Variants in GRIA2 observed in about 807,000 individuals in gnomAD.
The protein encoded by GRIA2 is glutamate receptor 2.
GRIA2 carries 14 observed loss-of-function variants against 97.3 expected under a neutral mutation model. That is an observed-to-expected ratio of 0.14 (90% CI 0.10 to 0.23). GRIA2 has a LOEUF of 0.23. Among genes scored for constraint, GRIA2 ranks in the 10% least tolerant of loss-of-function variants. GRIA2 has a pLI of 1.00. For synonymous variants in GRIA2, 412 were observed against 387.8 expected (o/e 1.06, Z -0.73); for missense variants, 558 against 1,069.8 (o/e 0.52, Z 6.67).
At chr4:157,329,190 A>G (rs1734938595) in intron 6 of GRIA2, among the ~76,000 whole-genome samples, 1 of 151,960 alleles carries the variant, frequency 6.6e-6, no homozygotes, top group African/African-American at 2.4e-5. Flanking sequence ...TTATCTTAAA[A>G]AAAACTTTCT....
At chr4:157,305,095 G>A (rs1182330084) in intron 3 of GRIA2, among the ~76,000 whole-genome samples, 2 of 152,064 alleles carry the variant, frequency 1.3e-5, no homozygotes, top group Non-Finnish European at 2.9e-5. Flanking sequence ...GGATGTTTCC[G>A]ACGCACACTT....
chr4:157,347,788 T>A (rs190757986), intron 12 of GRIA2, among the ~76,000 whole-genome samples: 3 of 152,174 alleles, frequency 2.0e-5, no homozygotes. Flanking sequence ...CTCAACTAGA[T>A]ATAAGTATTA....
rs184715058 is a variant in GRIA2 at position 157,353,040 on chromosome 4, A to G, written c.2044-6856A>G. Among the ~76,000 whole-genome samples the G allele has an allele frequency of 2.0e-5, 3 of 152,222 alleles. No homozygotes were observed. In the East Asian group the frequency reaches 5.8e-4, roughly 30 times the overall value. On this transcript the variant is annotated intron_variant, in intron 12 of 15. Coordinates refer to ENST00000264426, the MANE Select transcript of GRIA2 (RefSeq NM_001083619.3). ...GCCACTGCACTTCAGCCTGGGCGAC[A>G]GAGCGAGACTTCATCTCAAAAAACA... is the stretch of plus-strand genomic sequence containing the variant.
rs557539804 is a variant in GRIA2, at chr4:157,301,721, TATAAG to T, written c.230-1827_230-1823del. ...TATTTTTGTGAAGTAAATACAATGATATAAGATAGGGTTTGTTTTATCCTTCAAAA... is the reference window on the plus strand; with the variant it reads ...TATTTTTGTGAAGTAAATACAATGATATAGGGTTTGTTTTATCCTTCAAAA... On this transcript the variant is annotated intron_variant, in intron 2 of 15. Transcript: ENST00000264426. 1.1e-3 allele frequency among the ~76,000 whole-genome samples: 168 copies of T among 152,302 alleles called. 1 individual carries two copies. Among genetic ancestry groups the T allele is most frequent in the African/African-American group, 3.8e-3 (157 of 41,570 alleles).
intron 8 of GRIA2, among the ~76,000 whole-genome samples, chr4:157,333,668 G>T (rs906114744): frequency 2.6e-5 from 4 of 151,986 alleles, no homozygotes; most frequent in African/African-American, 9.7e-5. Context: ...AGTAGCTGGT[G>T]CAAATACACA....
At chr4:157,313,953 A>G (rs1734200890) in intron 4 of GRIA2, among the ~76,000 whole-genome samples, 1 of 152,206 alleles carries the variant, frequency 6.6e-6, no homozygotes, top group South Asian at 2.1e-4. Flanking sequence ...TTAGAAAATC[A>G]TAAGGAAAAC....
intron 9 of GRIA2, chr4:157,335,114 A>C (rs1579372640): frequency 6.3e-6 from 1 of 157,908 alleles, no homozygotes; most frequent in Non-Finnish European, 1.4e-5. Context: ...TCATTCTAGG[A>C]TATTGTATCT....
chr4:157,234,372 AT>A (rs1730151995), intron 2 of GRIA2, among the ~76,000 whole-genome samples: 1 of 152,128 alleles, frequency 6.6e-6, no homozygotes, highest in Non-Finnish European at 1.5e-5. Flanking sequence ...CAAGCTGAAA[AT>A]AGAGGCTAGG....
chr4:157,363,649 A>G lies in GRIA2; in HGVS notation c.*218A>G. ...TACACAATGGTTTTCTTGTGTGTTT[A>G]TTGTCAAAGTGGTGAGAGGCATCCA... On this transcript the variant is annotated 3_prime_UTR_variant, in exon 16 of 16. Transcript: ENST00000264426. The G allele has an allele frequency of 9.0e-7, 1 of 1,105,884 alleles. No individual in the cohort carries two copies. Among genetic ancestry groups the G allele is most frequent in the East Asian group, 3.2e-5 (1 of 31,078 alleles). The allele number at this position is 1,105,884 out of a possible 1,614,324, so 68.5% of individuals were successfully genotyped here. A position where few individuals can be genotyped will look rare whatever the true frequency, so the allele number is the denominator to read the frequency against.
intron 2 of GRIA2, among the ~76,000 whole-genome samples, chr4:157,256,226 A>AATATATGATATT (rs1731253106): frequency 8.3e-6 from 1 of 119,872 alleles, no homozygotes; most frequent in African/African-American, 3.4e-5. Context: ...TATAATATAT[A>AATATATGATATT]ATATATAATA....
chr4:157,297,454 C>T (rs1388508025), intron 2 of GRIA2, among the ~76,000 whole-genome samples: 2 of 152,054 alleles, frequency 1.3e-5, no homozygotes, highest in Non-Finnish European at 2.9e-5. Flanking sequence ...CTCATAGGGC[C>T]AACACTCTTT....
At chr4:157,359,252 T>G (rs1736529529) in intron 12 of GRIA2, among the ~76,000 whole-genome samples, 1 of 152,286 alleles carries the variant, frequency 6.6e-6, no homozygotes, top group African/African-American at 2.4e-5. Flanking sequence ...AGAATGTTGG[T>G]TTTTTTCCAG....
At chr4:157,312,590 C>A (rs1734127596) in intron 3 of GRIA2, 89 bp from the exon 4 acceptor site, 1 of 705,148 alleles carries the variant, frequency 1.4e-6, no homozygotes, top group Non-Finnish European at 2.2e-6. Context: ...ATATATCTTC[C>A]TTAAAAATAT....
chr4:157,357,119 A>G (rs1736418143), intron 12 of GRIA2, among the ~76,000 whole-genome samples: 1 of 152,076 alleles, frequency 6.6e-6, no homozygotes, highest in African/African-American at 2.4e-5. Context: ...CATCATTTTT[A>G]TTATTTAGTC....
intron 12 of GRIA2, chr4:157,342,453 A>C (rs781563233): frequency 9.1e-6 from 9 of 984,388 alleles, no homozygotes; most frequent in Non-Finnish European, 1.1e-5. Flanking sequence ...TGAAGAGTCC[A>C]GGACCTTGAT....
At chr4:157,232,880 A>G (rs1257845830) in intron 2 of GRIA2, among the ~76,000 whole-genome samples, 1 of 152,208 alleles carries the variant, frequency 6.6e-6, no homozygotes, top group Non-Finnish European at 1.5e-5. Context: ...GATGTATGAC[A>G]TTGGACAAGT....
chr4:157,252,163 A>C (rs1436342091), intron 2 of GRIA2, among the ~76,000 whole-genome samples: 1 of 152,168 alleles, frequency 6.6e-6, no homozygotes, highest in Non-Finnish European at 1.5e-5. Context: ...TCAACCCTTA[A>C]GTAGACATAT....
At chr4:157,356,201 A>ATATATATT (rs1736367786) in intron 12 of GRIA2, among the ~76,000 whole-genome samples, 2 of 124,872 alleles carry the variant, frequency 1.6e-5, no homozygotes, top group East Asian at 2.2e-4. Context: ...ATATATATTT[A>ATATATATT]TATATATATT....
At chr4:157,344,412 G>T (rs1385596658) in intron 12 of GRIA2, among the ~76,000 whole-genome samples, 2 of 152,060 alleles carry the variant, frequency 1.3e-5, no homozygotes, top group Non-Finnish European at 2.9e-5. Context: ...AAAGCTGACA[G>T]ACTGATTATT....
Sources: allele counts gnomAD v4.1 joint callset (sites outside exome capture counted in the v4.1 genomes callset), GRCh38; gene constraint gnomAD v4.1.1; transcripts MANE v1.5; gene names NCBI Gene and HGNC (gene_info 2026-07-23, HGNC 2026-07-21).